TMEM178B: variants seen among roughly 807,000 people sequenced by gnomAD.
The protein encoded by TMEM178B is transmembrane protein 178B.
TMEM178B carries 5 observed loss-of-function variants against 31.0 expected under a neutral mutation model. That is an observed-to-expected ratio of 0.16 (90% CI 0.08 to 0.34). The LOEUF is 0.34. Ranked by LOEUF, TMEM178B falls within the 10% of genes least tolerant of loss-of-function variation. TMEM178B has a pLI of 1.00. For synonymous variants in TMEM178B, 164 were observed against 164.0 expected (o/e 1.00, Z 0.00); for missense variants, 275 against 400.3 (o/e 0.69, Z 2.67).
chr7:141,424,264 G>C (rs1425353389), intron 2 of TMEM178B, among the ~76,000 whole-genome samples: 1 of 152,140 alleles, frequency 6.6e-6, no homozygotes, highest in Non-Finnish European at 1.5e-5. Context: ...AGGCAATGGT[G>C]GCCCTGACAC....
chr7:141,276,149 G>T (rs1034209855), intron 2 of TMEM178B, among the ~76,000 whole-genome samples: 1 of 152,098 alleles, frequency 6.6e-6, no homozygotes, highest in African/African-American at 2.4e-5. Flanking sequence ...TGGAAACAGT[G>T]AGTTTTGAGA....
intron 2 of TMEM178B, among the ~76,000 whole-genome samples, chr7:141,312,515 C>G (rs1300010776): frequency 1.3e-5 from 2 of 152,208 alleles, no homozygotes; most frequent in South Asian, 2.1e-4. Flanking sequence ...AAATAAAGTT[C>G]TAACCCGTAG....
chr7:141,130,763 G>A (rs1430738214), intron 1 of TMEM178B, among the ~76,000 whole-genome samples: 1 of 152,020 alleles, frequency 6.6e-6, no homozygotes, highest in Non-Finnish European at 1.5e-5. Context: ...TATATTCCAG[G>A]AATTATACTA....
chr7:141,277,233 G>A (rs931161104), intron 2 of TMEM178B, among the ~76,000 whole-genome samples: 2 of 152,116 alleles, frequency 1.3e-5, no homozygotes, highest in African/African-American at 4.8e-5. Flanking sequence ...ACATTATACA[G>A]CTGTATAAAA....
intron 2 of TMEM178B, among the ~76,000 whole-genome samples, chr7:141,402,187 C>T (rs1346423064): frequency 1.3e-5 from 2 of 152,138 alleles, no homozygotes; most frequent in African/African-American, 2.4e-5. Context: ...AAGGAGGAGC[C>T]GCACAGGCAA....
At chr7:141,389,793 A>T (rs1309783679) in intron 2 of TMEM178B, among the ~76,000 whole-genome samples, 1 of 152,212 alleles carries the variant, frequency 6.6e-6, no homozygotes. Context: ...TTTGAGTCTG[A>T]ATAGGGAGTC....
chr7:141,335,438 C>A (rs1047547231), intron 2 of TMEM178B, among the ~76,000 whole-genome samples: 3 of 152,168 alleles, frequency 2.0e-5, no homozygotes, highest in Non-Finnish European at 4.4e-5. Context: ...GTCTTGAGAA[C>A]AGATGGGAAG....
At chr7:141,292,192 T>C (rs1035262325) in intron 2 of TMEM178B, among the ~76,000 whole-genome samples, 12 of 152,236 alleles carry the variant, frequency 7.9e-5, no homozygotes, top group Non-Finnish European at 1.8e-4. Flanking sequence ...CTGTGAAGCA[T>C]GGAACACTGC....
intron 1 of TMEM178B, among the ~76,000 whole-genome samples, chr7:141,078,898 G>A (rs959713903): frequency 6.6e-6 from 1 of 152,164 alleles, no homozygotes; most frequent in Non-Finnish European, 1.5e-5. Context: ...CATGGACCAA[G>A]TCAGGGAGCT....
the TMEM178B span, among the ~76,000 whole-genome samples, chr7:141,491,836 C>T: frequency 6.6e-6 from 1 of 152,162 alleles, no homozygotes; most frequent in Non-Finnish European, 1.5e-5. Flanking sequence ...GGCCCTGTTG[C>T]AGGAATGCCA....
At position 141,074,670 on chromosome 7, in the gene TMEM178B, G is replaced by C; in HGVS notation, c.360G>C (p.Glu120Asp). 1 of 1,510,632 alleles carries C rather than the reference G, an allele frequency of 6.6e-7. No homozygotes were observed. The highest frequency in any genetic ancestry group is 8.8e-7 in the Non-Finnish European group (1 of 1,130,618). 93.6% of individuals were successfully genotyped at this position (1,510,632 alleles called of 1,614,324 possible). ...GCCACCGGCAGGGCTTCGACCCCGA[G>C]ATCGCCGCCCTCATTCGGAAAGGTA... ...RKCHRQGFDP[E>D]IAALIRKGEI... The change falls in exon 1 of 4, where the codon GAG (glutamate) becomes GAC (aspartate). Residue 120 changes from glutamate to aspartate, a missense_variant. Coordinates refer to ENST00000565468, the MANE Select transcript of TMEM178B (RefSeq NM_001195278.2). This position sits in a 1 kb window ranked among gnomAD's most constrained non-coding sequence, Gnocchi z 5.1.
At chr7:141,425,270 C>T (rs182797068) in intron 2 of TMEM178B, among the ~76,000 whole-genome samples, 1 of 152,286 alleles carries the variant, frequency 6.6e-6, no homozygotes, top group East Asian at 1.9e-4. Flanking sequence ...CTAGGGTACC[C>T]ATGTGTTTTA....
chr7:141,456,164 A>G (rs962699162), intron 3 of TMEM178B, among the ~76,000 whole-genome samples: 1 of 152,172 alleles, frequency 6.6e-6, no homozygotes, highest in Non-Finnish European at 1.5e-5. Flanking sequence ...CAGATAGTTC[A>G]TGTTTGACAA....
At chr7:141,130,597 G>C (rs1230008893) in intron 1 of TMEM178B, among the ~76,000 whole-genome samples, 1 of 152,042 alleles carries the variant, frequency 6.6e-6, no homozygotes, top group Non-Finnish European at 1.5e-5. Context: ...GTAGTTTCCA[G>C]TTTTGGCTAT....
chr7:141,417,787 T>C (rs1322054528), intron 2 of TMEM178B, among the ~76,000 whole-genome samples: 1 of 152,248 alleles, frequency 6.6e-6, no homozygotes, highest in African/African-American at 2.4e-5. Context: ...ACATAGCAGT[T>C]ACTTTGTGCC....
intron 1 of TMEM178B, among the ~76,000 whole-genome samples, chr7:141,094,636 A>G (rs1420480692): frequency 6.6e-6 from 1 of 152,206 alleles, no homozygotes; most frequent in Non-Finnish European, 1.5e-5. Context: ...ATTTTTTAAA[A>G]GAGAGGACAG....
Position 141,186,956 on chromosome 7 carries a change from T to G in TMEM178B, c.383-25635T>G, listed in dbSNP as rs183818043. Among the ~76,000 whole-genome samples, 170 of 152,252 alleles carry G rather than the reference T, an allele frequency of 1.1e-3. No homozygotes were observed. In the Middle Eastern group the frequency reaches 0.017, roughly 15 times the overall value. ...CTTTTTTTAAAAATTTTATTATTAT[T>G]ATACTTTAAGTTCTAGGGTACATGT... On this transcript the variant is annotated intron_variant, in intron 1 of 3. Coordinates refer to ENST00000565468, the MANE Select transcript of TMEM178B (RefSeq NM_001195278.2).
In TMEM178B at chr7:141,214,366, C is replaced by T. The variant is rs532009001; in HGVS notation, c.496+1662C>T. On this transcript the variant is annotated intron_variant, in intron 2 of 3. Coordinates refer to ENST00000565468, the MANE Select transcript of TMEM178B (RefSeq NM_001195278.2). ...TGTTTCTTTTTGTGCCAGTGAATAC[C>T]GAGGCCACAGAGGGCTCTTTAGGGA... 3.3e-5 allele frequency among the ~76,000 whole-genome samples: 5 copies of T among 152,014 alleles called. No homozygotes were observed. In the South Asian group the frequency reaches 1.0e-3, roughly 31 times the overall value.
intron 1 of TMEM178B, among the ~76,000 whole-genome samples, chr7:141,210,191 G>A (rs1797031594): frequency 6.6e-6 from 1 of 152,144 alleles, no homozygotes; most frequent in Non-Finnish European, 1.5e-5. Context: ...GGGGCTGGAT[G>A]CGGTGGCTCA....
Sources: allele counts gnomAD v4.1 joint callset (sites outside exome capture counted in the v4.1 genomes callset), GRCh38; gene constraint gnomAD v4.1.1; non-coding constraint Gnocchi (gnomAD v3.1); transcripts MANE v1.5; gene names NCBI Gene and HGNC (gene_info 2026-07-23, HGNC 2026-07-21).